MTA1: variants seen among roughly 807,000 people sequenced by gnomAD.
MTA1 encodes the protein metastasis associated 1.
MTA1 carries 15 observed loss-of-function variants against 97.0 expected under a neutral mutation model. The observed-to-expected ratio is 0.15, with a 90% CI of 0.10 to 0.24. MTA1 has a LOEUF of 0.24. Among genes scored for constraint, MTA1 ranks in the 10% least tolerant of loss-of-function variants. The probability of loss-of-function intolerance (pLI) is 1.00; values close to 1 mark genes in which losing one functional copy is unlikely to be tolerated. For missense variants in MTA1, 709 were observed against 1,015.1 expected (o/e 0.70, Z 4.10); for synonymous variants, 435 against 417.5 (o/e 1.04, Z -0.51).
intron 18 of MTA1, chr14:105,467,406 G>T (rs2083640134): frequency 2.2e-6 from 1 of 455,824 alleles, no homozygotes; most frequent in African/African-American, 2.0e-5. Flanking sequence ...AGCAGGGCCG[G>T]TTTGGCGACC....
chr14:105,460,603 C>T, intron 9 of MTA1, 146 bp downstream of exon 9: 4 of 1,195,998 alleles, frequency 3.3e-6, no homozygotes, highest in Non-Finnish European at 4.6e-6. Context: ...CTGGCCTTTC[C>T]TATCCACCCC....
intron 18 of MTA1, chr14:105,467,758 G>C (rs1440868789): frequency 2.3e-5 from 7 of 307,816 alleles, no homozygotes; most frequent in Non-Finnish European, 3.8e-5. Flanking sequence ...CTCTGGGCTG[G>C]CTTTACTTGT....
chr14:105,463,667 TG>T lies in MTA1; in HGVS notation c.1076+120del. 2 of 1,105,326 alleles carry T rather than the reference TG, an allele frequency of 1.8e-6. No individual in the cohort carries two copies. 68.5% of individuals were successfully genotyped at this position (1,105,326 alleles called of 1,614,324 possible). A position where few individuals can be genotyped will look rare whatever the true frequency, so the allele number is the denominator to read the frequency against. ...ACTCAAGCTCAGAGGCTGGGAAAGT[TG>T]GGGCAGCCCCCGGGAGGGCGGCCCA... On this transcript the variant is annotated intron_variant, in intron 12 of 20. Transcript: ENST00000331320. This position sits in a 1 kb window ranked among gnomAD's most constrained non-coding sequence, Gnocchi z 5.9.
intron 1 of MTA1, among the ~76,000 whole-genome samples, chr14:105,426,476 C>T (rs2077644987): frequency 1.3e-5 from 2 of 152,042 alleles, no homozygotes; most frequent in Admixed American, 1.3e-4. Context: ...TCATCCCCTG[C>T]CTTCAGAGGA....
At chr14:105,453,736 G>A (rs782647034) in intron 6 of MTA1, among the ~76,000 whole-genome samples, 4 of 151,748 alleles carry the variant, frequency 2.6e-5, no homozygotes, top group Admixed American at 6.6e-5. Flanking sequence ...GCTTGAACCC[G>A]GGAAACGGAG....
At chr14:105,467,092 C>A in intron 18 of MTA1, 1 of 452,188 alleles carries the variant, frequency 2.2e-6, no homozygotes. Flanking sequence ...GCCTGCAATC[C>A]TTCCGTGCGC....
chr14:105,446,920 A>T (rs1269985905), intron 3 of MTA1, among the ~76,000 whole-genome samples: 1 of 152,150 alleles, frequency 6.6e-6, no homozygotes, highest in Non-Finnish European at 1.5e-5. Flanking sequence ...GGGAGCGTTC[A>T]AGGTGGGGCA....
chr14:105,454,444 G>A lies in MTA1; in HGVS notation c.550+134G>A, dbSNP rs923110498. ...GACTGGGGGCGGCAGGTGTAGGCCTGGGCTCTGTCCACATGGGTGATGCGT... is the reference window on the plus strand; with the variant it reads ...GACTGGGGGCGGCAGGTGTAGGCCTAGGCTCTGTCCACATGGGTGATGCGT... On this transcript the variant is annotated intron_variant, in intron 7 of 20. Coordinates refer to ENST00000331320, the MANE Select transcript of MTA1 (RefSeq NM_004689.4). The A allele has an allele frequency of 5.5e-5, 37 of 666,912 alleles. No individual in the cohort carries two copies. The East Asian group carries it at 1.0e-3, about 18-fold the overall frequency. 41.3% of individuals were successfully genotyped at this position (666,912 alleles called of 1,614,324 possible).
At chr14:105,447,334 C>T (rs2082751314) in intron 3 of MTA1, among the ~76,000 whole-genome samples, 1 of 152,200 alleles carries the variant, frequency 6.6e-6, no homozygotes, top group African/African-American at 2.4e-5. Flanking sequence ...TATGGCTGGC[C>T]CAGGGTGGAT....
rs1466714147 is a variant in MTA1 at position 105,424,276 on chromosome 14, G to T, written c.28+4213G>T. 6.6e-6 allele frequency among the ~76,000 whole-genome samples: 1 copy of T among 152,048 alleles called. No individual in the cohort carries two copies. Among genetic ancestry groups the T allele is most frequent in the South Asian group, 2.1e-4 (1 of 4,814 alleles). On this transcript the variant is annotated intron_variant, in intron 1 of 20. Transcript: ENST00000331320. The surrounding 1 kb of genome is among the most constrained non-coding windows in gnomAD (Gnocchi z 4.0). Reference sequence around the variant, plus strand: ...GTAGCGCAATCTGGGCTCACTGCAAGTCCGCCTCCCGGGTTCACACCATTC... The same window carrying T: ...GTAGCGCAATCTGGGCTCACTGCAATTCCGCCTCCCGGGTTCACACCATTC...
At chr14:105,447,664 G>A (rs1323499226) in intron 3 of MTA1, among the ~76,000 whole-genome samples, 1 of 152,180 alleles carries the variant, frequency 6.6e-6, no homozygotes, top group African/African-American at 2.4e-5. Context: ...CTGGAAAGCT[G>A]CGTGGCGGCC....
chr14:105,455,755 C>T lies in MTA1; in HGVS notation c.550+1445C>T, dbSNP rs117022425. On this transcript the variant is annotated intron_variant, in intron 7 of 20. Transcript: ENST00000331320. The stretch of plus-strand genomic sequence containing the variant: ...CAGCTGTGGGCTCCAGCATTGGGCT[C>T]GTGGGCCTGCTACATTGCAAGCATC... Among the ~76,000 whole-genome samples the T allele has an allele frequency of 8.7e-4, 133 of 152,282 alleles. No homozygotes were observed. In the East Asian group the frequency reaches 0.017, roughly 20 times the overall value.
At chr14:105,445,386 G>A (rs374422168) in intron 2 of MTA1, 32 bp from the exon 3 acceptor site, 31 of 1,606,320 alleles carry the variant, frequency 1.9e-5, no homozygotes, top group Non-Finnish European at 2.5e-5. Flanking sequence ...GTTTGGTCGC[G>A]TTTCTCAGAC....
intron 18 of MTA1, chr14:105,468,888 C>A: frequency 3.5e-6 from 1 of 286,484 alleles, no homozygotes; most frequent in East Asian, 1.0e-4. Context: ...GCCCAACTCC[C>A]GCAGTGCCCC....
chr14:105,450,348 T>C (rs587756872), intron 6 of MTA1, 24 bp downstream of exon 6: 13 of 1,591,210 alleles, frequency 8.2e-6, no homozygotes, highest in African/African-American at 1.3e-5. Context: ...CGGCCTGGTC[T>C]GCCGCAGCCA....
chr14:105,450,488 G>A (rs1363753201), intron 6 of MTA1, among the ~76,000 whole-genome samples, 164 bp downstream of exon 6: 3 of 152,250 alleles, frequency 2.0e-5, no homozygotes, highest in Non-Finnish European at 4.4e-5. Flanking sequence ...GTCACTTCCA[G>A]GTGTCCTGGT....
chr14:105,454,361 C>T (rs781957979), intron 7 of MTA1, 51 bp downstream of exon 7: 25 of 1,312,194 alleles, frequency 1.9e-5, no homozygotes, highest in South Asian at 1.1e-4. Flanking sequence ...CCTGTCCTGC[C>T]GGGTGACACA....
chr14:105,465,120 C>G lies in MTA1; in HGVS notation c.1561C>G (p.Gln521Glu). The G allele has an allele frequency of 6.6e-7, 1 of 1,523,758 alleles. No individual in the cohort carries two copies. The highest frequency in any genetic ancestry group is 8.8e-7 in the Non-Finnish European group (1 of 1,131,358). 94.4% of individuals were successfully genotyped at this position (1,523,758 alleles called of 1,614,324 possible). ...ECTARLPEASQSPLVLKQAVR... is the reference protein window; with the variant it reads ...ECTARLPEASESPLVLKQAVR... ...CACGGCGCGGCTGCCCGAAGCCTCC[C>G]AGAGCCCGCTGGTGCTGAAGCAGGC... The change falls in exon 16 of 21, where the codon CAG becomes GAG. Residue 521 changes from glutamine to glutamate, a missense_variant. Around this residue, in one of 2 missense-constraint regions of MTA1, gnomAD observed 388 missense variants for 421.6 expected, o/e 0.92. Coordinates refer to ENST00000331320, the MANE Select transcript of MTA1 (RefSeq NM_004689.4).
chr14:105,441,111 T>TG (rs111774461), intron 2 of MTA1, among the ~76,000 whole-genome samples: 1 of 152,034 alleles, frequency 6.6e-6, no homozygotes. Context: ...AAGGCCTGTC[T>TG]GGGGGGTCAG....
Sources: gnomAD v4.1 joint callset for allele counts (sites outside exome capture counted in the v4.1 genomes callset) on GRCh38, gnomAD v4.1.1 for gene constraint, gnomAD v4.1.1 regional missense constraint, Gnocchi (gnomAD v3.1) non-coding constraint, MANE v1.5 for transcripts, NCBI Gene and HGNC (gene_info 2026-07-23, HGNC 2026-07-21) for gene names.